NEDD4L: variants seen among roughly 807,000 people sequenced by gnomAD.
NEDD4L encodes the protein E3 ubiquitin-protein ligase NEDD4-like.
In NEDD4L, 54 loss-of-function variants were observed where a neutral mutation model predicts 148.9. That is an observed-to-expected ratio of 0.36 (90% CI 0.29 to 0.45). The LOEUF is 0.45. Ranked by LOEUF, NEDD4L falls within the 20% of genes least tolerant of loss-of-function variation. The pLI is 1.00. For missense variants in NEDD4L, 856 were observed against 1,233.8 expected, an observed-to-expected ratio of 0.69 and a Z score of 4.59; for synonymous variants, 433 against 440.7, an observed-to-expected ratio of 0.98 and a Z score of 0.22.
chr18:58,352,720 A>C (rs890966509), intron 18 of NEDD4L, among the ~76,000 whole-genome samples: 7 of 152,232 alleles, frequency 4.6e-5, no homozygotes, highest in African/African-American at 1.7e-4. Flanking sequence ...GTTTTAAGAC[A>C]GGTGTGAATA....
intron 5 of NEDD4L, among the ~76,000 whole-genome samples, chr18:58,289,878 G>A (rs1314059560): frequency 6.6e-6 from 1 of 152,192 alleles, no homozygotes; most frequent in Non-Finnish European, 1.5e-5. Flanking sequence ...TGTGCTCAAG[G>A]ATCAGGGTCT....
chr18:58,335,049 CAAAGAACTCACTTTCCTGG>C (rs1293828411), intron 12 of NEDD4L, among the ~76,000 whole-genome samples: 1 of 152,168 alleles, frequency 6.6e-6, no homozygotes, highest in East Asian at 1.9e-4. Context: ...TTTTATTTCC[CAAAGAACTCACTTTCCTGG>C]AAACTGGTGA....
At chr18:58,306,707 C>T (rs2057107219) in intron 5 of NEDD4L, among the ~76,000 whole-genome samples, 1 of 151,880 alleles carries the variant, frequency 6.6e-6, no homozygotes, top group South Asian at 2.1e-4. Flanking sequence ...CTCACTGTAA[C>T]CTCTGCCTTT....
intron 1 of NEDD4L, among the ~76,000 whole-genome samples, chr18:58,050,754 TAAAAATA>T (rs923962432): frequency 3.3e-5 from 5 of 151,436 alleles, no homozygotes; most frequent in African/African-American, 1.2e-4. Flanking sequence ...AGAGCAAAAC[TAAAAATA>T]AAAAATAAAA....
At chr18:58,391,636 T>G in intron 30 of NEDD4L, 77 bp downstream of exon 30, 1 of 971,950 alleles carries the variant, frequency 1.0e-6, no homozygotes, top group Non-Finnish European at 1.6e-6. Context: ...CTCAAGGCTA[T>G]TGAATGCTCT....
chr18:58,104,957 T>C (rs1272209745), intron 1 of NEDD4L, among the ~76,000 whole-genome samples: 1 of 151,016 alleles, frequency 6.6e-6, no homozygotes, highest in Admixed American at 6.6e-5. Context: ...AAAGATGTGC[T>C]GGGCTTGCTG....
intron 1 of NEDD4L, among the ~76,000 whole-genome samples, chr18:58,123,720 A>C (rs548208508): frequency 6.6e-6 from 1 of 152,160 alleles, no homozygotes; most frequent in South Asian, 2.1e-4. Context: ...CACACCTCCC[A>C]TCATTCTCCT....
Position 58,366,826 on chromosome 18 carries a change from C to A in NEDD4L, c.2063+598C>A, listed in dbSNP as rs1458646654. On this transcript the variant is annotated intron_variant, in intron 21 of 30. Coordinates refer to ENST00000400345, the MANE Select transcript of NEDD4L (RefSeq NM_001144967.3). This position sits in a 1 kb window ranked among gnomAD's most constrained non-coding sequence, Gnocchi z 4.2. The stretch of plus-strand genomic sequence containing the variant: ...TCCAAGGGTTGGGCAGTACCCAAGC[C>A]CCCAGTAGAATAGTCATTGACCTTG... Among the ~76,000 whole-genome samples the A allele has an allele frequency of 6.6e-6, 1 of 152,066 alleles. No homozygotes were observed. The highest frequency in any genetic ancestry group is 6.5e-5 in the Admixed American group (1 of 15,284).
chr18:58,184,422 C>A (rs1302403918), intron 2 of NEDD4L, among the ~76,000 whole-genome samples: 1 of 151,976 alleles, frequency 6.6e-6, no homozygotes, highest in South Asian at 2.1e-4. Context: ...TACCGAGAGG[C>A]CTTGCTGGGC....
chr18:58,335,772 G>T, intron 13 of NEDD4L: 1 of 418,188 alleles, frequency 2.4e-6, no homozygotes, highest in Non-Finnish European at 4.4e-6. Context: ...TCAGGCTTTG[G>T]TTAAGTGCAT....
intron 24 of NEDD4L, among the ~76,000 whole-genome samples, chr18:58,378,880 G>A (rs1429123871): frequency 1.3e-5 from 2 of 152,224 alleles, no homozygotes; most frequent in Non-Finnish European, 2.9e-5. Context: ...TGGGAATCGG[G>A]TTGTTAACTG....
chr18:58,267,438 T>C (rs1049217702), intron 5 of NEDD4L, among the ~76,000 whole-genome samples: 7 of 152,078 alleles, frequency 4.6e-5, no homozygotes, highest in Non-Finnish European at 8.8e-5. Context: ...TGGACCACAC[T>C]GGCTACTGTA....
intron 23 of NEDD4L, chr18:58,372,477 T>C (rs1330527960): frequency 6.6e-6 from 1 of 152,180 alleles, no homozygotes; most frequent in Admixed American, 6.5e-5. Flanking sequence ...TTTTAAACTT[T>C]ATTTATTTTT....
At chr18:58,313,913 A>G (rs1205366017) in intron 5 of NEDD4L, among the ~76,000 whole-genome samples, 1 of 152,250 alleles carries the variant, frequency 6.6e-6, no homozygotes, top group East Asian at 1.9e-4. Context: ...TTTCAAAGCT[A>G]TCAGGCTGTG....
At chr18:58,309,658 C>A (rs1431869170) in intron 5 of NEDD4L, among the ~76,000 whole-genome samples, 1 of 151,766 alleles carries the variant, frequency 6.6e-6, no homozygotes, top group Non-Finnish European at 1.5e-5. Context: ...CCCCCAGTTT[C>A]CTGGGTCTTA....
intron 2 of NEDD4L, among the ~76,000 whole-genome samples, chr18:58,218,731 G>A (rs1241722305): frequency 2.0e-5 from 3 of 152,166 alleles, no homozygotes. Context: ...TAGTGCCCCG[G>A]TAAAAGAAAG....
chr18:58,316,050 T>C lies in NEDD4L; in HGVS notation c.348+18T>C. 1 of 1,606,508 alleles carries C rather than the reference T, an allele frequency of 6.2e-7. No individual in the cohort carries two copies. The highest frequency in any genetic ancestry group is 8.5e-7 in the Non-Finnish European group (1 of 1,173,340). ...ACCTTCCGGTAAGGACAGTCTCATG[T>C]TTGATGCTTCGTGCTGGGGGCGGGG... On this transcript the variant is annotated intron_variant, in intron 6 of 30. Transcript: ENST00000400345.
At chr18:58,207,649 A>G (rs1444058982) in intron 2 of NEDD4L, among the ~76,000 whole-genome samples, 1 of 152,148 alleles carries the variant, frequency 6.6e-6, no homozygotes, top group East Asian at 1.9e-4. Flanking sequence ...TACCATGCCC[A>G]TCCCCCAGTG....
chr18:58,243,905 G>A (rs557331952), intron 2 of NEDD4L, among the ~76,000 whole-genome samples: 1 of 152,120 alleles, frequency 6.6e-6, no homozygotes, highest in East Asian at 1.9e-4. Context: ...ATTTTTTTAG[G>A]ATATGTTTTG....
Sources: allele counts gnomAD v4.1 joint callset (sites outside exome capture counted in the v4.1 genomes callset), GRCh38; gene constraint gnomAD v4.1.1; non-coding constraint Gnocchi (gnomAD v3.1); transcripts MANE v1.5; gene names NCBI Gene and HGNC (gene_info 2026-07-23, HGNC 2026-07-21).